Variants in SCAPER observed in about 807,000 individuals in gnomAD.
SCAPER encodes S phase cyclin A-associated protein in the endoplasmic reticulum.
In SCAPER, 98 loss-of-function variants were observed where a neutral mutation model predicts 182.2. That is an observed-to-expected ratio of 0.54 (90% CI 0.46 to 0.64). SCAPER has a LOEUF of 0.64. Among genes scored for constraint, SCAPER ranks in the 30% least tolerant of loss-of-function variants. SCAPER has a pLI of 0.00. For synonymous variants in SCAPER, 605 were observed against 564.6 expected, an observed-to-expected ratio of 1.07 and a Z score of -1.01; for missense variants, 1,432 against 1,690.0, an observed-to-expected ratio of 0.85 and a Z score of 2.68.
intron 23 of SCAPER, among the ~76,000 whole-genome samples, chr15:76,543,494 C>A (rs772918696): frequency 1.3e-5 from 2 of 152,172 alleles, no homozygotes; most frequent in Admixed American, 1.3e-4. Context: ...CTGGGCATAG[C>A]ACTGTGGTTT....
chr15:76,502,925 T>C (rs902652592), intron 24 of SCAPER, among the ~76,000 whole-genome samples: 1 of 152,158 alleles, frequency 6.6e-6, no homozygotes, highest in South Asian at 2.1e-4. Context: ...TTCCATTTCC[T>C]AAACAAGAGG....
chr15:76,826,279 G>A (rs1419455496), intron 5 of SCAPER, among the ~76,000 whole-genome samples: 3 of 151,388 alleles, frequency 2.0e-5, no homozygotes, highest in Non-Finnish European at 1.5e-5. Flanking sequence ...GGATGAAATT[G>A]GAAATCATCA....
intron 2 of SCAPER, among the ~76,000 whole-genome samples, chr15:76,873,925 G>A (rs1027946960): frequency 5.3e-5 from 8 of 149,758 alleles, no homozygotes; most frequent in East Asian, 3.9e-4. Context: ...ATGGAATCTC[G>A]TTCTGTTGCC....
intron 23 of SCAPER, among the ~76,000 whole-genome samples, chr15:76,564,875 A>C (rs1284430730): frequency 6.6e-6 from 1 of 152,132 alleles, no homozygotes; most frequent in Non-Finnish European, 1.5e-5. Context: ...ACACACCTAC[A>C]ACTATCTGAT....
At chr15:76,583,254 G>A (rs1476850988) in intron 22 of SCAPER, among the ~76,000 whole-genome samples, 3 of 151,884 alleles carry the variant, frequency 2.0e-5, no homozygotes, top group Non-Finnish European at 4.4e-5. Flanking sequence ...GGGAGGCTGA[G>A]GCAGGAGAAT....
chr15:76,378,537 AT>A (rs1316416608), intron 28 of SCAPER, among the ~76,000 whole-genome samples: 2 of 152,234 alleles, frequency 1.3e-5, no homozygotes, highest in Non-Finnish European at 2.9e-5. Flanking sequence ...TATGTATTTA[AT>A]TTACTTAAGC....
At chr15:76,356,057 C>G (rs2040942089) in intron 29 of SCAPER, among the ~76,000 whole-genome samples, 1 of 152,200 alleles carries the variant, frequency 6.6e-6, no homozygotes, top group South Asian at 2.1e-4. Context: ...AACCCCCAAC[C>G]CTACCACCCC....
chr15:76,694,395 T>C (rs936122278), intron 20 of SCAPER, among the ~76,000 whole-genome samples: 10 of 152,142 alleles, frequency 6.6e-5, no homozygotes, highest in Admixed American at 2.6e-4. Flanking sequence ...AGAAAGTTCA[T>C]TGTTAGTGTA....
At chr15:76,803,979 C>T (rs550002916) in intron 6 of SCAPER, among the ~76,000 whole-genome samples, 2 of 152,290 alleles carry the variant, frequency 1.3e-5, no homozygotes, top group South Asian at 2.1e-4. Context: ...GCTTTGATCT[C>T]GTATTATTCC....
chr15:76,812,496 AAAAAG>A (rs768447302), intron 5 of SCAPER, among the ~76,000 whole-genome samples: 7,722 of 144,260 alleles, frequency 0.054, 156 homozygotes, highest in Middle Eastern at 0.089. Flanking sequence ...AAAAAAAAAA[AAAAAG>A]AAAGAAAGAA....
intron 20 of SCAPER, among the ~76,000 whole-genome samples, chr15:76,670,182 A>T (rs1304644896): frequency 6.6e-6 from 1 of 151,850 alleles, no homozygotes; most frequent in Non-Finnish European, 1.5e-5. Context: ...TATACAAAAT[A>T]TATATAAATA....
At chr15:76,794,064 G>A (rs2065167281) in intron 8 of SCAPER, among the ~76,000 whole-genome samples, 1 of 152,192 alleles carries the variant, frequency 6.6e-6, no homozygotes, top group Non-Finnish European at 1.5e-5. Flanking sequence ...TGAGAGCAGA[G>A]GAAAAACAGT....
At position 76,678,412 on chromosome 15, in the gene SCAPER, C is replaced by T. The variant is rs911706403; in HGVS notation, c.2509-12623G>A. Among the ~76,000 whole-genome samples, 5 of 6,982 alleles carry T rather than the reference C, an allele frequency of 7.2e-4. No individual in the cohort carries two copies. In the Admixed American group the frequency reaches 0.018, roughly 25 times the overall value. 4.6% of individuals were successfully genotyped at this position (6,982 alleles called of 152,430 possible). A position where few individuals can be genotyped will look rare whatever the true frequency, so the allele number is the denominator to read the frequency against. On this transcript the variant is annotated intron_variant, in intron 20 of 31. Transcript: ENST00000563290. ...AGTTTTACCAGTTAACTGAAAAATC[C>T]ATTTTTTTTCCTCACATTTAAAAAA...
At chr15:76,550,596 G>A (rs796103736) in intron 23 of SCAPER, among the ~76,000 whole-genome samples, 3 of 152,210 alleles carry the variant, frequency 2.0e-5, no homozygotes, top group African/African-American at 7.2e-5. Flanking sequence ...GTCTATCATT[G>A]ATGGGCATTT....
At chr15:76,538,219 T>C (rs1324294811) in intron 23 of SCAPER, among the ~76,000 whole-genome samples, 2 of 147,482 alleles carry the variant, frequency 1.4e-5, no homozygotes, top group Non-Finnish European at 3.0e-5. Flanking sequence ...TTACTGGGTA[T>C]ATACCCAAAG....
At chr15:76,617,174 C>T (rs765229306) in intron 22 of SCAPER, among the ~76,000 whole-genome samples, 23 of 152,068 alleles carry the variant, frequency 1.5e-4, no homozygotes, top group Non-Finnish European at 2.5e-4. Flanking sequence ...CAAAGTCATC[C>T]GTCTTTTCTT....
At chr15:76,766,034 T>C (rs2151283438) in intron 11 of SCAPER, among the ~76,000 whole-genome samples, 1 of 152,300 alleles carries the variant, frequency 6.6e-6, no homozygotes, top group African/African-American at 2.4e-5. Flanking sequence ...ATCATTAACA[T>C]ATATATCCTA....
intron 5 of SCAPER, among the ~76,000 whole-genome samples, chr15:76,836,104 T>C (rs1296079234): frequency 6.6e-6 from 1 of 152,190 alleles, no homozygotes; most frequent in Non-Finnish European, 1.5e-5. Context: ...ATTGCTATAC[T>C]GCCCAAAGCA....
chr15:76,832,755 C>G (rs1226288490), intron 5 of SCAPER, among the ~76,000 whole-genome samples: 1 of 152,140 alleles, frequency 6.6e-6, no homozygotes, highest in Admixed American at 6.5e-5. Context: ...GCACCTCCCC[C>G]TCGCTCTTGG....
Sources: gnomAD v4.1 joint callset for allele counts (sites outside exome capture counted in the v4.1 genomes callset) on GRCh38, gnomAD v4.1.1 for gene constraint, MANE v1.5 for transcripts, NCBI Gene and HGNC (gene_info 2026-07-23, HGNC 2026-07-21) for gene names.